The following GATA3 variants were observed in gnomAD, a reference collection of about 807,000 sequenced individuals.
GATA3 encodes trans-acting T-cell-specific transcription factor GATA-3.
A neutral mutation model predicts 36.0 loss-of-function variants in GATA3; 6 were observed. The observed-to-expected ratio is 0.17, with a 90% CI of 0.09 to 0.33. GATA3 has a LOEUF of 0.33. GATA3 is among the 10% of genes least tolerant of loss of function. The pLI is 1.00. For synonymous variants in GATA3, 326 were observed against 273.0 expected, an observed-to-expected ratio of 1.19 and a Z score of -1.92; for missense variants, 514 against 610.1, an observed-to-expected ratio of 0.84 and a Z score of 1.66.
chr10:8,049,079 AAAAC>A (rs924299880), upstream of GATA3, among the ~76,000 whole-genome samples: 34 of 150,348 alleles, frequency 2.3e-4, no homozygotes, highest in African/African-American at 4.2e-4. Context: ...ATGAATAAGC[AAAAC>A]AAACAAACAA....
At chr10:8,064,280 TTCC>T in intron 4 of GATA3, 142 bp downstream of exon 4, 5 of 809,878 alleles carry the variant, frequency 6.2e-6, no homozygotes, top group African/African-American at 1.9e-5. Context: ...TTTTTTTTTT[TTCC>T]TTTTTCTTTC....
upstream of GATA3, chr10:8,051,629 AG>A (rs1419063494): frequency 6.6e-6 from 1 of 152,474 alleles, no homozygotes. Context: ...GGTACCTGGG[AG>A]GGGGTCGCGT....
intron 2 of GATA3, among the ~76,000 whole-genome samples, chr10:8,056,809 C>A (rs779835456): frequency 1.2e-4 from 18 of 152,124 alleles, no homozygotes; most frequent in Admixed American, 4.6e-4. Context: ...AAAAGAAGAC[C>A]AGGCCTGTGT....
Position 8,058,493 on chromosome 10 carries a change from G to T in GATA3, c.430G>T (p.Gly144Cys), listed in dbSNP as rs1832684605. The T allele has an allele frequency of 6.2e-7, 1 of 1,612,226 alleles. No individual in the cohort carries two copies. The highest frequency in any genetic ancestry group is 8.5e-7 in the Non-Finnish European group (1 of 1,179,710). The part of the protein sequence containing the change: ...PPASSSSLSG[G>C]HASPHLFTFP... ...GGCCTCGTCCTCCTCCTTGTCGGGG[G>T]GCCACGCCAGCCCGCACCTCTTCAC... The change falls in exon 3 of 6, where the codon GGC (glycine) becomes TGC (cysteine). Residue 144 changes from glycine to cysteine, a missense_variant. By Grantham distance (159) the Gly-to-Cys change is radical (BLOSUM62 -3). Transcript: ENST00000379328.
Position 8,055,909 on chromosome 10 carries a change from G to C in GATA3, c.241+13G>C, listed in dbSNP as rs1282426887. 7.1e-6 allele frequency: 11 copies of C among 1,552,146 alleles called. No individual in the cohort carries two copies. The highest frequency in any genetic ancestry group is 7.8e-6 in the Non-Finnish European group (9 of 1,147,806). On this transcript the variant is annotated intron_variant, in intron 2 of 5. Transcript: ENST00000379328. This position sits in a 1 kb window ranked among gnomAD's most constrained non-coding sequence, Gnocchi z 5.4. ...CCGACCCACCACGGTGAGTGCGCCC[G>C]GGGTGCCGGGGCTCCCGCCGGCCGC... is the stretch of plus-strand genomic sequence containing the variant.
intron 4 of GATA3, among the ~76,000 whole-genome samples, chr10:8,066,018 A>C (rs1189659025): frequency 1.3e-5 from 2 of 151,234 alleles, no homozygotes; most frequent in Non-Finnish European, 2.9e-5. Context: ...ACAACAAACA[A>C]AAACCTTCTT....
At chr10:8,070,914 G>C (rs951275655) in intron 5 of GATA3, among the ~76,000 whole-genome samples, 22 of 152,156 alleles carry the variant, frequency 1.4e-4, no homozygotes, top group Admixed American at 1.2e-3. Flanking sequence ...TTCAATCCAA[G>C]TTCTATTTTC....
At chr10:8,053,995 A>C (rs1236296656), upstream of GATA3, among the ~76,000 whole-genome samples, 2 of 152,160 alleles carry the variant, frequency 1.3e-5, no homozygotes, top group African/African-American at 2.4e-5. This position sits in a 1 kb window ranked among gnomAD's most constrained non-coding sequence, Gnocchi z 5.1. Context: ...CAACAGCTGA[A>C]GCGTGTTCAC....
chr10:8,047,722 T>C (rs923258116), intron 1 of GATA3, among the ~76,000 whole-genome samples: 5 of 152,208 alleles, frequency 3.3e-5, no homozygotes, highest in Non-Finnish European at 7.3e-5. Context: ...AACAGGCACA[T>C]GCGTCTGGTT....
intron 1 of GATA3, among the ~76,000 whole-genome samples, chr10:8,046,037 A>AC: frequency 6.6e-6 from 1 of 152,238 alleles, no homozygotes. Flanking sequence ...CATCTGGCAT[A>AC]CCCCCGGGAA....
intron 3 of GATA3, among the ~76,000 whole-genome samples, chr10:8,062,560 A>G (rs1185267267): frequency 1.3e-5 from 2 of 152,092 alleles, no homozygotes; most frequent in African/African-American, 4.8e-5. Flanking sequence ...CAAAGGCCCA[A>G]TAGGTCCCAT....
At chr10:8,056,866 C>G (rs1832648417) in intron 2 of GATA3, among the ~76,000 whole-genome samples, 1 of 151,996 alleles carries the variant, frequency 6.6e-6, no homozygotes, top group Admixed American at 6.5e-5. Context: ...AAGTTTGTTC[C>G]TAAAGAAGAA....
At chr10:8,062,945 T>C (rs181131054) in intron 3 of GATA3, among the ~76,000 whole-genome samples, 33 of 152,208 alleles carry the variant, frequency 2.2e-4, no homozygotes, top group African/African-American at 7.7e-4. Flanking sequence ...GTTAGCCAAC[T>C]CCCCCATGTC....
At chr10:8,050,094 C>G (rs1271653672), upstream of GATA3, among the ~76,000 whole-genome samples, 8 of 152,200 alleles carry the variant, frequency 5.3e-5, no homozygotes, top group East Asian at 1.4e-3. Context: ...ATTCCCACAC[C>G]GAAGGCAAAG....
At chr10:8,046,948 A>G (rs1832397194) in intron 1 of GATA3, among the ~76,000 whole-genome samples, 1 of 152,134 alleles carries the variant, frequency 6.6e-6, no homozygotes, top group South Asian at 2.1e-4. Context: ...GAGCGGCTGC[A>G]ATCCACGGGC....
rs11567930 is a variant in GATA3, at chr10:8,070,371, ATT to A, written c.1050+781_1050+782del. On this transcript the variant is annotated intron_variant, in intron 5 of 5. Transcript: ENST00000379328. Reference sequence around the variant, plus strand: ...TTGTAACATATCTTAATCTTAAAAAATTTTTTTTTCAGTTTTTTTTTTTTCCT... The same window carrying A: ...TTGTAACATATCTTAATCTTAAAAAATTTTTTTCAGTTTTTTTTTTTTCCT... Among the ~76,000 whole-genome samples the A allele has an allele frequency of 2.7e-3, 399 of 149,078 alleles. 4 individuals are homozygous for A. Among genetic ancestry groups the A allele is most frequent in the African/African-American group, 9.5e-3 (388 of 40,648 alleles).
rs558956081 is a variant in GATA3 at position 8,057,485 on chromosome 10, C to G, written c.242-820C>G. 2.0e-5 allele frequency among the ~76,000 whole-genome samples: 3 copies of G among 152,236 alleles called. No homozygotes were observed. In the East Asian group the frequency reaches 5.8e-4, roughly 29 times the overall value. On this transcript the variant is annotated intron_variant, in intron 2 of 5. Transcript: ENST00000379328. ...CTCAGGTGAAAATTCACCCATGGCA[C>G]TGGTGGGATCATAGCTTTATTGAGG...
chr10:8,050,929 G>C (rs761401152), upstream of GATA3: 2 of 469,574 alleles, frequency 4.3e-6, no homozygotes, highest in Non-Finnish European at 8.7e-6. Context: ...CGGGCGCCCG[G>C]GGCCGCTTCT....
At chr10:8,051,141 C>A (rs776324663), upstream of GATA3, 2 of 512,182 alleles carry the variant, frequency 3.9e-6, no homozygotes, top group East Asian at 5.8e-5. Context: ...AGGGTCTCTT[C>A]GCCCCTGGGA....
Sources: gnomAD v4.1 joint callset for allele counts (sites outside exome capture counted in the v4.1 genomes callset) on GRCh38, gnomAD v4.1.1 for gene constraint, Gnocchi (gnomAD v3.1) non-coding constraint, MANE v1.5 for transcripts, NCBI Gene and HGNC (gene_info 2026-07-23, HGNC 2026-07-21) for gene names.